The following POLE2 variants were observed in gnomAD, a reference collection of about 807,000 sequenced individuals.
POLE2 encodes the protein DNA polymerase epsilon subunit 2.
In POLE2, 56 loss-of-function variants were observed where a neutral mutation model predicts 79.4. The ratio of observed to expected loss-of-function variants is 0.71; its 90% CI spans 0.57 to 0.88. POLE2 has a LOEUF of 0.88. Ranked by LOEUF, POLE2 falls within the 40% of genes least tolerant of loss-of-function variation. The pLI is 0.00. For missense variants in POLE2, 598 were observed against 638.9 expected, an observed-to-expected ratio of 0.94 and a Z score of 0.69; for synonymous variants, 212 against 214.0, an observed-to-expected ratio of 0.99 and a Z score of 0.08.
intron 2 of POLE2, among the ~76,000 whole-genome samples, 157 bp from the exon 3 acceptor site, chr14:49,679,957 A>T (rs1166418892): frequency 6.6e-6 from 1 of 152,256 alleles, no homozygotes; most frequent in East Asian, 1.9e-4. Context: ...GAACAATAAC[A>T]AAAGCCTTAT....
intron 10 of POLE2, among the ~76,000 whole-genome samples, chr14:49,657,002 A>G (rs1884728703): frequency 6.6e-6 from 1 of 151,838 alleles, no homozygotes; most frequent in South Asian, 2.1e-4. Flanking sequence ...AATTCCAGCT[A>G]CTCGGGAGGC....
chr14:49,657,228 G>C (rs990387747), intron 10 of POLE2, among the ~76,000 whole-genome samples: 1 of 151,876 alleles, frequency 6.6e-6, no homozygotes, highest in Admixed American at 6.6e-5. Context: ...TGAATGTCAC[G>C]AATCATGCTA....
chr14:49,675,116 C>G (rs1377443769), intron 3 of POLE2, among the ~76,000 whole-genome samples: 1 of 150,846 alleles, frequency 6.6e-6, no homozygotes, highest in Non-Finnish European at 1.5e-5. Flanking sequence ...CAGAGTTTCA[C>G]TCTTGTTGCC....
At chr14:49,664,979 A>G in intron 8 of POLE2, 128 bp downstream of exon 8, 3 of 663,682 alleles carry the variant, frequency 4.5e-6, no homozygotes, top group South Asian at 3.5e-5. Flanking sequence ...ATATCTCTAC[A>G]TTCCTACACC....
At chr14:49,644,211 C>A (rs1381890213) in intron 18 of POLE2, among the ~76,000 whole-genome samples, 1 of 149,094 alleles carries the variant, frequency 6.7e-6, no homozygotes, top group Non-Finnish European at 1.5e-5. Context: ...TAAAGGTAGA[C>A]TAATTTTTAA....
chr14:49,658,699 CAAT>C (rs1380814152), intron 10 of POLE2, among the ~76,000 whole-genome samples: 1 of 152,202 alleles, frequency 6.6e-6, no homozygotes, highest in Non-Finnish European at 1.5e-5. Context: ...TTAGCTGTCA[CAAT>C]GTCCTAGTGC....
At chr14:49,664,798 A>T (rs1352162918) in intron 8 of POLE2, 124 bp from the exon 9 acceptor site, 3 of 689,194 alleles carry the variant, frequency 4.4e-6, no homozygotes, top group Non-Finnish European at 7.7e-6. Context: ...CTGTGAATAG[A>T]CCACAGCTTA....
intron 1 of POLE2, chr14:49,684,483 A>G (rs575901011): frequency 6.6e-6 from 1 of 151,994 alleles, no homozygotes; most frequent in African/African-American, 2.4e-5. Flanking sequence ...AAAAGGCTTT[A>G]AAAAACTATG....
chr14:49,685,372 A>C (rs1887052754), intron 1 of POLE2, among the ~76,000 whole-genome samples: 1 of 152,236 alleles, frequency 6.6e-6, no homozygotes, highest in Non-Finnish European at 1.5e-5. Flanking sequence ...TTCTAAATAC[A>C]CTTGAAGGTG....
At chr14:49,664,420 C>T (rs1212300660) in intron 9 of POLE2, among the ~76,000 whole-genome samples, 1 of 151,704 alleles carries the variant, frequency 6.6e-6, no homozygotes, top group Non-Finnish European at 1.5e-5. Flanking sequence ...AGTTGTGTAG[C>T]CATTACTACT....
intron 18 of POLE2, among the ~76,000 whole-genome samples, chr14:49,646,302 G>GTTTTTTTTTTTTTTTTTTTTTTTTTT (rs1162033821): frequency 5.9e-5 from 5 of 84,552 alleles, no homozygotes; most frequent in Non-Finnish European, 1.0e-4. Flanking sequence ...TTTTTTGTTG[G>GTTTTTTTTTTTTTTTTTTTTTTTTTT]TTTTTTTTTT....
intron 10 of POLE2, among the ~76,000 whole-genome samples, chr14:49,661,943 G>A (rs1885126604): frequency 6.6e-6 from 1 of 152,166 alleles, no homozygotes; most frequent in African/African-American, 2.4e-5. Flanking sequence ...CTTGGCTAAA[G>A]AGAAACAAAT....
At chr14:49,657,731 C>A (rs1884798835) in intron 10 of POLE2, among the ~76,000 whole-genome samples, 1 of 152,024 alleles carries the variant, frequency 6.6e-6, no homozygotes, top group Admixed American at 6.6e-5. Context: ...TGAGCCACCA[C>A]GCCCAGCCAG....
chr14:49,652,331 AGG>A (rs1884330988), intron 15 of POLE2, among the ~76,000 whole-genome samples: 1 of 149,340 alleles, frequency 6.7e-6, no homozygotes, highest in Non-Finnish European at 1.5e-5. Flanking sequence ...ACGGAGGGGA[AGG>A]AGTAAAAGCT....
intron 8 of POLE2, among the ~76,000 whole-genome samples, 174 bp downstream of exon 8, chr14:49,664,933 G>C (rs983028852): frequency 1.3e-5 from 2 of 152,144 alleles, no homozygotes; most frequent in Admixed American, 1.3e-4. Context: ...CTCCAAATAA[G>C]AGAAAATTAA....
Position 49,664,606 on chromosome 14 carries a change from A to G in POLE2, c.682+20T>C, listed in dbSNP as rs758846824. 2 of 1,501,478 alleles carry G rather than the reference A, an allele frequency of 1.3e-6. No individual in the cohort carries two copies. Among genetic ancestry groups the G allele is most frequent in the African/African-American group, 2.8e-5 (2 of 72,666 alleles). 93.0% of individuals were successfully genotyped at this position (1,501,478 alleles called of 1,614,324 possible). ...ACTGGAGAATGAGAAGAAGGACAGTAACAAAGTATACTGACTTACCTTCTG... is the reference window on the plus strand; with the variant it reads ...ACTGGAGAATGAGAAGAAGGACAGTGACAAAGTATACTGACTTACCTTCTG... On this transcript the variant is annotated intron_variant, in intron 9 of 18. Transcript: ENST00000216367.
intron 3 of POLE2, chr14:49,677,803 C>T (rs566828612): frequency 4.8e-6 from 3 of 630,158 alleles, no homozygotes; most frequent in Non-Finnish European, 7.5e-6. Context: ...TGACTGTGGA[C>T]CTGCAGCAGC....
rs1316853524 is a variant in POLE2, at chr14:49,679,733, A to G, written c.237T>C (p.Asp79=). The change falls in exon 3 of 19, where the codon GAT becomes GAC. Residue 79 remains aspartate (D), a synonymous_variant. Transcript: ENST00000216367. ...AAVQECSQSV[D]ETIEHVFNII... ...TAACTGTACCCACATACATAGTTTC[A>G]TCAACAGACTGACTGCATTCCTGGA... The G allele has an allele frequency of 3.2e-6, 5 of 1,585,440 alleles. No individual in the cohort carries two copies. The highest frequency in any genetic ancestry group is 1.3e-5 in the African/African-American group (1 of 74,364).
intron 3 of POLE2, 71 bp from the exon 4 acceptor site, chr14:49,674,498 T>C: frequency 1.1e-6 from 1 of 871,612 alleles, no homozygotes; most frequent in South Asian, 1.4e-5. Context: ...CATGATAACT[T>C]GCATTATAAG....
Sources: gnomAD v4.1 joint callset for allele counts (sites outside exome capture counted in the v4.1 genomes callset) on GRCh38, gnomAD v4.1.1 for gene constraint, MANE v1.5 for transcripts, NCBI Gene and HGNC (gene_info 2026-07-23, HGNC 2026-07-21) for gene names.